The following NHSL1 variants were observed in gnomAD, a reference collection of about 807,000 sequenced individuals.
NHSL1 encodes NHS-like protein 1.
NHSL1 carries 48 observed loss-of-function variants against 95.0 expected under a neutral mutation model. That is an observed-to-expected ratio of 0.51 (90% CI 0.40 to 0.64). NHSL1 has a LOEUF of 0.64. NHSL1 is among the 30% of genes least tolerant of loss of function. The probability of loss-of-function intolerance (pLI) is 0.00; values close to 1 mark genes in which losing one functional copy is unlikely to be tolerated. For synonymous variants in NHSL1, 783 were observed against 833.9 expected (o/e 0.94, Z 1.05); for missense variants, 1,971 against 2,077.7 (o/e 0.95, Z 1.00).
At chr6:138,690,601 C>T (rs1290130681) in intron 1 of NHSL1, among the ~76,000 whole-genome samples, 3 of 151,962 alleles carry the variant, frequency 2.0e-5, no homozygotes, top group Non-Finnish European at 4.4e-5. Flanking sequence ...ATTAGCCGGG[C>T]GTGGTGGCGG....
At chr6:138,471,162 C>A (rs894193641) in intron 3 of NHSL1, among the ~76,000 whole-genome samples, 3 of 152,036 alleles carry the variant, frequency 2.0e-5, no homozygotes, top group Non-Finnish European at 4.4e-5. Flanking sequence ...GCTAACTTCC[C>A]TCAGAGTTGA....
chr6:138,622,346 C>CA lies in NHSL1; in HGVS notation c.96+70129dup, dbSNP rs1031732782. On this transcript the variant is annotated intron_variant, in intron 1 of 3. Transcript: ENST00000491526. Reference sequence around the variant, plus strand: ...TGACACCCAGTCTCTACTAAAAATCCAAAAAAAAATAGCCGGGCGTGGCCG... The same window carrying CA: ...TGACACCCAGTCTCTACTAAAAATCCAAAAAAAAAATAGCCGGGCGTGGCCG... Among the ~76,000 whole-genome samples the CA allele has an allele frequency of 4.5e-3, 679 of 149,404 alleles. 4 individuals carry two copies. The highest frequency in any genetic ancestry group is 0.015 in the African/African-American group (627 of 40,700).
At chr6:138,493,285 C>T (rs1780175917) in intron 2 of NHSL1, among the ~76,000 whole-genome samples, 2 of 152,122 alleles carry the variant, frequency 1.3e-5, no homozygotes, top group African/African-American at 4.8e-5. Flanking sequence ...AATAGTAAAT[C>T]CCTTTGATGA....
chr6:138,569,243 A>G (rs892019187), intron 1 of NHSL1, among the ~76,000 whole-genome samples: 3 of 147,770 alleles, frequency 2.0e-5, no homozygotes, highest in African/African-American at 5.0e-5. Flanking sequence ...GGTTGTGTGT[A>G]TATGTGTGTG....
In NHSL1 at chr6:138,424,763, T is replaced by C. The variant is rs1447313801; in HGVS notation, c.4139A>G (p.Asn1380Ser). 3 of 1,551,256 alleles carry C rather than the reference T, an allele frequency of 1.9e-6. No homozygotes were observed. The highest frequency in any genetic ancestry group is 2.6e-6 in the Non-Finnish European group (3 of 1,146,838). ...RRDSDDDHSR[N>S]HSPSPPVTPT... The stretch of plus-strand genomic sequence containing the variant: ...TGTCACGGGCGGGGAGGGAGAATGG[T>C]TTCGGGAGTGGTCATCATCTGAATC... Residue 1380 changes from asparagine (N) to serine (S), a missense_variant, in exon 8 of 8, where the codon AAC becomes AGC. Around this residue, in one of 3 missense-constraint regions of NHSL1, gnomAD observed 146 missense variants for 206.3 expected, o/e 0.71. Coordinates refer to ENST00000343505, the MANE Select transcript of NHSL1 (RefSeq NM_001144060.2). This position sits in a 1 kb window ranked among gnomAD's most constrained non-coding sequence, Gnocchi z 5.9.
intron 1 of NHSL1, among the ~76,000 whole-genome samples, chr6:138,630,200 T>C (rs1281609638): frequency 6.6e-6 from 1 of 151,824 alleles, no homozygotes; most frequent in African/African-American, 2.4e-5. Context: ...GAGTAAGACC[T>C]TGTCTCCCCG....
chr6:138,436,161 A>C (rs1220426201), intron 5 of NHSL1, among the ~76,000 whole-genome samples: 1 of 152,196 alleles, frequency 6.6e-6, no homozygotes, highest in African/African-American at 2.4e-5. Flanking sequence ...TCTCACTTTA[A>C]ATCAAAAGTT....
intron 1 of NHSL1, among the ~76,000 whole-genome samples, chr6:138,649,862 T>C (rs577822021): frequency 2.0e-5 from 3 of 152,224 alleles, no homozygotes; most frequent in South Asian, 4.2e-4. Flanking sequence ...GAGGGGTAGA[T>C]AGGGTGGGTT....
chr6:138,463,504 CTTT>C (rs61234570), intron 3 of NHSL1, among the ~76,000 whole-genome samples: 18,084 of 129,304 alleles, frequency 0.14, 1,118 homozygotes, highest in Middle Eastern at 0.19. Context: ...GTGCGATGTT[CTTT>C]TTTTTTTTTT....
intron 7 of NHSL1, among the ~76,000 whole-genome samples, chr6:138,428,733 A>G (rs994978552): frequency 1.3e-5 from 2 of 152,212 alleles, no homozygotes; most frequent in East Asian, 3.8e-4. Flanking sequence ...CAGTGCTGAC[A>G]TAAGATCATT....
intron 1 of NHSL1, among the ~76,000 whole-genome samples, chr6:138,626,391 T>C (rs1017773138): frequency 1.3e-5 from 2 of 152,242 alleles, no homozygotes; most frequent in African/African-American, 2.4e-5. Flanking sequence ...AGGTTGATTA[T>C]GTAGTCCATA....
intron 6 of NHSL1, 99 bp from the exon 7 acceptor site, chr6:138,429,942 A>C: frequency 4.1e-6 from 5 of 1,219,418 alleles, no homozygotes; most frequent in Non-Finnish European, 5.7e-6. Flanking sequence ...ATTCCCGACA[A>C]TGTGAGAACC....
At chr6:138,589,333 A>G (rs1351101872) in intron 1 of NHSL1, among the ~76,000 whole-genome samples, 2 of 152,132 alleles carry the variant, frequency 1.3e-5, no homozygotes, top group Admixed American at 6.5e-5. Flanking sequence ...GGTGCTTATT[A>G]AAATACAGAC....
intron 1 of NHSL1, among the ~76,000 whole-genome samples, chr6:138,559,424 G>A (rs754850162): frequency 3.9e-5 from 6 of 152,208 alleles, no homozygotes; most frequent in African/African-American, 4.8e-5. Context: ...ATACACCAAC[G>A]GGGTCCTGGA....
At chr6:138,549,721 C>T (rs1782930790), upstream of NHSL1, among the ~76,000 whole-genome samples, 1 of 152,088 alleles carries the variant, frequency 6.6e-6, no homozygotes, top group African/African-American at 2.4e-5. Flanking sequence ...TCTTTTAAAT[C>T]GTCTTCAATT....
Position 138,447,175 on chromosome 6 carries a change from C to A in NHSL1, c.358G>T (p.Glu120Ter), listed in dbSNP as rs1776918140. 1 of 1,550,990 alleles carries A rather than the reference C, an allele frequency of 6.4e-7. No individual in the cohort carries two copies. Among genetic ancestry groups the A allele is most frequent in the Non-Finnish European group, 8.7e-7 (1 of 1,146,978 alleles). ...CTGATGGAAATAAATCTTTCTTCTT[C>A]TGATGAAGACAGAGAACACTGCAGA... ...TDQKCSLSSS[E>*]EERFISIRRP... The change falls in exon 4 of 8, where the codon GAA (glutamate) becomes TAA (stop). Residue 120 changes from glutamate (E) to a stop codon, truncating the protein, a stop_gained. Transcript: ENST00000343505. LOFTEE classifies it high-confidence loss of function.
chr6:138,648,966 C>T (rs1785054019), intron 1 of NHSL1, among the ~76,000 whole-genome samples: 1 of 152,044 alleles, frequency 6.6e-6, no homozygotes, highest in African/African-American at 2.4e-5. Context: ...CCTTCATATA[C>T]CTTTTTAATG....
chr6:138,612,534 C>A (rs1020328193), intron 1 of NHSL1, among the ~76,000 whole-genome samples: 1 of 151,976 alleles, frequency 6.6e-6, no homozygotes, highest in East Asian at 1.9e-4. Context: ...AGATAATTTC[C>A]ATGGAAAAAA....
intron 5 of NHSL1, among the ~76,000 whole-genome samples, chr6:138,437,305 T>TATATATATACACACACAC (rs1479890106): frequency 1.8e-5 from 2 of 109,516 alleles, no homozygotes; most frequent in African/African-American, 7.9e-5. Flanking sequence ...TGTATATATA[T>TATATATATACACACACAC]ATATATATAT....
Sources: gnomAD v4.1 joint callset for allele counts (sites outside exome capture counted in the v4.1 genomes callset) on GRCh38, gnomAD v4.1.1 for gene constraint, gnomAD v4.1.1 regional missense constraint, Gnocchi (gnomAD v3.1) non-coding constraint, MANE v1.5 for transcripts, NCBI Gene and HGNC (gene_info 2026-07-23, HGNC 2026-07-21) for gene names.